The following MAGI1 variants were observed in gnomAD, a reference collection of about 807,000 sequenced individuals.
MAGI1 encodes the protein membrane associated guanylate kinase, WW and PDZ domain containing 1.
MAGI1 carries 58 observed loss-of-function variants against 139.9 expected under a neutral mutation model. That is an observed-to-expected ratio of 0.41 (90% confidence interval 0.34 to 0.52). MAGI1 has a LOEUF of 0.52. Ranked by LOEUF, MAGI1 falls within the 20% of genes least tolerant of loss-of-function variation. The probability of loss-of-function intolerance (pLI) is 0.12; values close to 1 mark genes in which losing one functional copy is unlikely to be tolerated. For synonymous variants in MAGI1, 812 were observed against 737.9 expected (o/e 1.10, Z -1.63); for missense variants, 1,874 against 1,901.6 (o/e 0.99, Z 0.27).
chr3:65,453,905 C>T (rs1418129788), intron 5 of MAGI1, among the ~76,000 whole-genome samples: 4 of 152,134 alleles, frequency 2.6e-5, no homozygotes, highest in Non-Finnish European at 4.4e-5. Context: ...CCAAATTACT[C>T]GTCATAAATA....
At chr3:65,954,191 G>C (rs1156310410) in intron 1 of MAGI1, among the ~76,000 whole-genome samples, 1 of 152,134 alleles carries the variant, frequency 6.6e-6, no homozygotes. Flanking sequence ...AATCCTATAA[G>C]AAAATATTTT....
intron 1 of MAGI1, among the ~76,000 whole-genome samples, chr3:65,737,422 CAGT>C (rs1442514367): frequency 6.6e-6 from 1 of 152,214 alleles, no homozygotes; most frequent in Non-Finnish European, 1.5e-5. Flanking sequence ...CAACTTCTTC[CAGT>C]AAAGAACAAG....
intron 1 of MAGI1, among the ~76,000 whole-genome samples, chr3:65,766,936 G>A (rs2037534317): frequency 6.6e-6 from 1 of 152,136 alleles, no homozygotes; most frequent in Non-Finnish European, 1.5e-5. Context: ...CTAGCCTGAG[G>A]ATAAAAGATG....
intron 1 of MAGI1, among the ~76,000 whole-genome samples, chr3:65,830,847 T>C (rs894796559): frequency 3.9e-5 from 6 of 152,142 alleles, no homozygotes; most frequent in Non-Finnish European, 8.8e-5. Context: ...CATCTGCTAA[T>C]ACAAATGAAA....
At position 65,430,834 on chromosome 3, in the gene MAGI1, T is replaced by C; in HGVS notation, c.1411A>G (p.Ile471Val). 1.2e-6 allele frequency: 2 copies of C among 1,613,412 alleles called. No individual in the cohort carries two copies. Among genetic ancestry groups the C allele is most frequent in the South Asian group, 1.1e-5 (1 of 91,048 alleles). The change falls in exon 11 of 23, where the codon ATT becomes GTT. Residue 471 changes from isoleucine (I) to valine (V), a missense_variant. By Grantham distance (29) the Ile-to-Val change is conservative. This residue lies in a region of MAGI1 where 648 missense variants were observed against 598.1 expected (regional missense o/e 1.08). Coordinates refer to ENST00000402939, the MANE Select transcript of MAGI1 (RefSeq NM_001033057.2). ...CTGCTTTTCCGCAGCTTTGTGTGAATGAACTTGCCTTTCAACTCAGAAGGG... is the reference window on the plus strand; with the variant it reads ...CTGCTTTTCCGCAGCTTTGTGTGAACGAACTTGCCTTTCAACTCAGAAGGG... ...RNPSELKGKF[I>V]HTKLRKSSRG...
At chr3:65,789,820 C>T (rs9813904) in intron 1 of MAGI1, among the ~76,000 whole-genome samples, 7,552 of 152,204 alleles carry the variant, frequency 0.05, 326 homozygotes, top group African/African-American at 0.12. Flanking sequence ...AAAAAGTTTC[C>T]TTTTCAAAAG....
At chr3:65,931,432 C>T (rs554887581) in intron 1 of MAGI1, among the ~76,000 whole-genome samples, 1 of 152,154 alleles carries the variant, frequency 6.6e-6, no homozygotes, top group Non-Finnish European at 1.5e-5. Flanking sequence ...GATCGAGACC[C>T]CTTTCCAGTA....
intron 12 of MAGI1, among the ~76,000 whole-genome samples, chr3:65,406,137 C>T (rs900867744): frequency 6.6e-6 from 1 of 151,970 alleles, no homozygotes; most frequent in African/African-American, 2.4e-5. Flanking sequence ...TTACTTTTCC[C>T]CAAAATGAAT....
chr3:65,917,692 G>A (rs1216927077), intron 1 of MAGI1, among the ~76,000 whole-genome samples: 1 of 152,094 alleles, frequency 6.6e-6, no homozygotes, highest in Non-Finnish European at 1.5e-5. Context: ...AATGTGAAAC[G>A]GCTACATACT....
intron 1 of MAGI1, among the ~76,000 whole-genome samples, chr3:65,779,304 T>A (rs946318806): frequency 6.6e-6 from 1 of 152,150 alleles, no homozygotes; most frequent in Non-Finnish European, 1.5e-5. Flanking sequence ...TGTGCACAAA[T>A]AGAATATTCT....
chr3:65,894,299 C>T (rs945350545), intron 1 of MAGI1, among the ~76,000 whole-genome samples: 2 of 152,166 alleles, frequency 1.3e-5, no homozygotes, highest in African/African-American at 4.8e-5. Flanking sequence ...AATAATGGCA[C>T]TAAGATGCCA....
intron 1 of MAGI1, among the ~76,000 whole-genome samples, chr3:65,683,993 C>T (rs1576716926): frequency 1.4e-5 from 2 of 139,784 alleles, no homozygotes; most frequent in Non-Finnish European, 3.1e-5. Context: ...AGAGAGAGCC[C>T]ATGTCTACAA....
At chr3:65,670,582 G>C (rs1354410993) in intron 1 of MAGI1, among the ~76,000 whole-genome samples, 1 of 151,956 alleles carries the variant, frequency 6.6e-6, no homozygotes, top group Non-Finnish European at 1.5e-5. Context: ...TATAACAAAG[G>C]TCTTTACCTG....
chr3:65,711,986 G>T (rs917870894), intron 1 of MAGI1, among the ~76,000 whole-genome samples: 2 of 152,060 alleles, frequency 1.3e-5, no homozygotes, highest in Non-Finnish European at 2.9e-5. Flanking sequence ...TTGTGATTTT[G>T]GATTGATATC....
At chr3:65,813,551 A>G (rs1470804366) in intron 1 of MAGI1, among the ~76,000 whole-genome samples, 1 of 152,208 alleles carries the variant, frequency 6.6e-6, no homozygotes, top group African/African-American at 2.4e-5. Flanking sequence ...GGATATAGAA[A>G]AAGAGCAGTC....
At chr3:65,624,651 AC>A (rs1461268351) in intron 1 of MAGI1, among the ~76,000 whole-genome samples, 5 of 152,188 alleles carry the variant, frequency 3.3e-5, no homozygotes, top group Non-Finnish European at 5.9e-5. Context: ...GCAAAAACTG[AC>A]TGCAAAGGGC....
intron 2 of MAGI1, among the ~76,000 whole-genome samples, chr3:65,502,115 C>CA (rs1360568079): frequency 6.6e-6 from 1 of 152,142 alleles, no homozygotes; most frequent in East Asian, 1.9e-4. Flanking sequence ...GTGCTTTGGT[C>CA]AAAACCCATA....
chr3:65,399,153 A>G (rs1212881755), intron 13 of MAGI1, among the ~76,000 whole-genome samples: 3 of 152,172 alleles, frequency 2.0e-5, no homozygotes, highest in Admixed American at 1.3e-4. Flanking sequence ...GCTATTGCCA[A>G]ATCTAAGTGA....
chr3:65,425,286 CTTAT>C (rs1946957066), intron 12 of MAGI1, among the ~76,000 whole-genome samples: 1 of 152,086 alleles, frequency 6.6e-6, no homozygotes. Context: ...CAAATGCTAC[CTTAT>C]TTAATCTATG....
Sources: allele counts gnomAD v4.1 joint callset (sites outside exome capture counted in the v4.1 genomes callset), GRCh38; gene constraint gnomAD v4.1.1; regional missense constraint gnomAD v4.1.1; transcripts MANE v1.5; gene names NCBI Gene and HGNC (gene_info 2026-07-23, HGNC 2026-07-21).